PLXNC1: variants seen among roughly 807,000 people sequenced by gnomAD.
PLXNC1 encodes plexin C1, also known as plexin-C1.
PLXNC1 carries 75 observed loss-of-function variants against 178.2 expected under a neutral mutation model. That is an observed-to-expected ratio of 0.42 (90% CI 0.35 to 0.51). The LOEUF (loss-of-function observed/expected upper bound fraction) is 0.51, where lower values mean the gene tolerates loss of function less well. Ranked by LOEUF, PLXNC1 falls within the 20% of genes least tolerant of loss-of-function variation. The pLI, the probability that PLXNC1 is intolerant of heterozygous loss-of-function variation, is 0.02. For missense variants in PLXNC1, 1,503 were observed against 1,984.4 expected (o/e 0.76, Z 4.61); for synonymous variants, 790 against 779.9 (o/e 1.01, Z -0.22).
At chr12:94,196,569 A>C (rs544110642) in intron 4 of PLXNC1, among the ~76,000 whole-genome samples, 1 of 152,334 alleles carries the variant, frequency 6.6e-6, no homozygotes, top group South Asian at 2.1e-4. Flanking sequence ...ATCCAGTCTC[A>C]GGTATTTCTT....
intron 12 of PLXNC1, 108 bp downstream of exon 12, chr12:94,244,133 T>C (rs941869428): frequency 1.6e-5 from 9 of 579,546 alleles, no homozygotes; most frequent in African/African-American, 7.4e-5. Flanking sequence ...TTTGGTGTTA[T>C]AAACTTTTAC....
chr12:94,174,426 C>T (rs1310289392), intron 2 of PLXNC1, among the ~76,000 whole-genome samples: 2 of 152,148 alleles, frequency 1.3e-5, no homozygotes, highest in African/African-American at 4.8e-5. Context: ...GATCCTCCCA[C>T]CTCGGCCTTC....
intron 2 of PLXNC1, among the ~76,000 whole-genome samples, chr12:94,169,636 C>G (rs1046133351): frequency 1.6e-4 from 24 of 152,296 alleles, no homozygotes; most frequent in African/African-American, 5.8e-4. Flanking sequence ...AGTTCTAGCT[C>G]CTTTATCATG....
chr12:94,282,299 G>A lies in PLXNC1; in HGVS notation c.3777G>A (p.Glu1259=), dbSNP rs555676791. The A allele has an allele frequency of 6.0e-5, 96 of 1,609,140 alleles. No homozygotes were observed. The highest frequency in any genetic ancestry group is 8.4e-5 in the Admixed American group (5 of 59,578). ...AAGGAACAAAATGCTCTTTTTCAGA[G>A]CTTCAAATGGGCACACGACAGAAAG... The part of the protein sequence containing the change: ...YGLQLNEIGL[E]LQMGTRQKEL... The change falls in exon 23 of 31, where the codon GAG becomes GAA. Residue 1259 remains glutamate (E), a splice_region_variant and synonymous_variant. Transcript: ENST00000258526.
intron 23 of PLXNC1, among the ~76,000 whole-genome samples, chr12:94,283,074 A>ATC (rs1166477914): frequency 6.6e-6 from 1 of 152,164 alleles, no homozygotes; most frequent in Non-Finnish European, 1.5e-5. Flanking sequence ...ATCCACTCTG[A>ATC]TAAGAGCTGG....
chr12:94,268,106 G>A (rs903338112), intron 21 of PLXNC1, among the ~76,000 whole-genome samples: 12 of 152,118 alleles, frequency 7.9e-5, no homozygotes, highest in South Asian at 6.2e-4. Context: ...GCAGGGACAC[G>A]TTTGGAAAAA....
chr12:94,214,754 A>AGG (rs1478603288), intron 5 of PLXNC1, among the ~76,000 whole-genome samples: 1 of 152,254 alleles, frequency 6.6e-6, no homozygotes, highest in Non-Finnish European at 1.5e-5. Flanking sequence ...TTAAAGAGCA[A>AGG]GGTACATATC....
At position 94,279,036 on chromosome 12, in the gene PLXNC1, C is replaced by A. The variant is rs181043031; in HGVS notation, c.3598-436C>A. The stretch of plus-strand genomic sequence containing the variant: ...ACCTCTGGCATGGTCAATATGGGGA[C>A]CTCGTAACCTTCCCTGTCACCTAGA... On this transcript the variant is annotated intron_variant, in intron 21 of 30. Transcript: ENST00000258526. Among the ~76,000 whole-genome samples, 5 of 151,634 alleles carry A rather than the reference C, an allele frequency of 3.3e-5. No individual in the cohort carries two copies. The East Asian group carries it at 7.7e-4, about 23-fold the overall frequency.
intron 1 of PLXNC1, among the ~76,000 whole-genome samples, chr12:94,163,672 C>G (rs1253468587): frequency 1.3e-5 from 2 of 152,152 alleles, no homozygotes; most frequent in Non-Finnish European, 2.9e-5. Flanking sequence ...CTTCCCACGG[C>G]TGTGCTGCAC....
intron 6 of PLXNC1, among the ~76,000 whole-genome samples, chr12:94,222,025 T>G (rs1963810389): frequency 6.6e-6 from 1 of 152,164 alleles, no homozygotes; most frequent in Non-Finnish European, 1.5e-5. Flanking sequence ...GAAGTGAGCT[T>G]AAAAATGCTC....
chr12:94,208,078 G>A lies in PLXNC1; in HGVS notation c.1440-1512G>A, dbSNP rs544358667. On this transcript the variant is annotated intron_variant, in intron 4 of 30. Transcript: ENST00000258526. ...TCAATCCAGCAGTGCTTGTCTCTCCGTTGCAAACTCTCTCTGACATTGACA... is the reference window on the plus strand; with the variant it reads ...TCAATCCAGCAGTGCTTGTCTCTCCATTGCAAACTCTCTCTGACATTGACA... Among the ~76,000 whole-genome samples the A allele has an allele frequency of 5.9e-5, 9 of 152,298 alleles. No individual in the cohort carries two copies. The South Asian group carries it at 1.2e-3, about 21-fold the overall frequency.
intron 2 of PLXNC1, among the ~76,000 whole-genome samples, chr12:94,170,041 A>G (rs1033038976): frequency 1.5e-4 from 23 of 152,238 alleles, no homozygotes; most frequent in African/African-American, 5.3e-4. Context: ...GTGGTCTCCA[A>G]CAACATTCCT....
intron 21 of PLXNC1, among the ~76,000 whole-genome samples, chr12:94,274,155 TAAAAAAAAAA>T (rs3060881): frequency 5.5e-4 from 25 of 45,370 alleles, no homozygotes; most frequent in African/African-American, 2.5e-3. Context: ...ACCCTGTCTC[TAAAAAAAAAA>T]AAAAAAAAAA....
intron 1 of PLXNC1, 113 bp from the exon 2 acceptor site, chr12:94,169,040 C>G: frequency 1.1e-6 from 1 of 931,870 alleles, no homozygotes; most frequent in Non-Finnish European, 1.6e-6. Context: ...ATATGTGGGG[C>G]CCAGAAGTGA....
rs1286018640 is a variant in PLXNC1 at position 94,149,863 on chromosome 12, A to G, written c.892A>G (p.Ser298Gly). 23 of 1,586,946 alleles carry G rather than the reference A, an allele frequency of 1.4e-5. No individual in the cohort carries two copies. The highest frequency in any genetic ancestry group is 2.0e-5 in the Non-Finnish European group (23 of 1,167,380). ...CGGCCGCCGCCTGCTCCTCTCCTCC[A>G]GCCTAGTGGAGGCCCTGGACGTCTG... is the stretch of plus-strand genomic sequence containing the variant. ...PDGRRLLLSSSLVEALDVWAG... is the reference protein window; with the variant it reads ...PDGRRLLLSSGLVEALDVWAG... The change falls in exon 1 of 31, where the codon AGC becomes GGC. Residue 298 changes from serine (S) to glycine (G), a missense_variant. Transcript: ENST00000258526.
At chr12:94,258,904 T>C (rs138327883) in intron 17 of PLXNC1, among the ~76,000 whole-genome samples, 2,140 of 152,378 alleles carry the variant, frequency 0.014, 13 homozygotes, top group Middle Eastern at 0.031. Context: ...TTCAATATCA[T>C]TGTGTATTGA....
chr12:94,175,539 A>G (rs989177520), intron 2 of PLXNC1, among the ~76,000 whole-genome samples: 3 of 152,170 alleles, frequency 2.0e-5, no homozygotes, highest in East Asian at 3.8e-4. Flanking sequence ...GGAGTTTTAT[A>G]TGCAACAAAA....
At chr12:94,266,882 G>A (rs1315871575) in intron 21 of PLXNC1, among the ~76,000 whole-genome samples, 1 of 152,218 alleles carries the variant, frequency 6.6e-6, no homozygotes, top group African/African-American at 2.4e-5. Flanking sequence ...AAATGCAGGT[G>A]CAAATATACC....
chr12:94,167,875 G>A (rs538226593), intron 1 of PLXNC1: 8 of 152,152 alleles, frequency 5.3e-5, no homozygotes, highest in Non-Finnish European at 1.2e-4. Context: ...CAGGGCATTG[G>A]ACAAATCCTG....
Sources: allele counts gnomAD v4.1 joint callset (sites outside exome capture counted in the v4.1 genomes callset), GRCh38; gene constraint gnomAD v4.1.1; transcripts MANE v1.5; gene names NCBI Gene and HGNC (gene_info 2026-07-23, HGNC 2026-07-21).